Variants in CCDC171 observed in about 807,000 individuals in gnomAD.
CCDC171 encodes the protein coiled-coil domain-containing protein 171.
A neutral mutation model predicts 168.2 loss-of-function variants in CCDC171; 177 were observed. The ratio of observed to expected loss-of-function variants is 1.05; its 90% CI spans 0.93 to 1.19. The LOEUF (loss-of-function observed/expected upper bound fraction) is 1.19. CCDC171 is among the 50% of genes most tolerant of loss of function. The pLI is 0.00. For synonymous variants in CCDC171, 687 were observed against 540.8 expected, an observed-to-expected ratio of 1.27 and a Z score of -3.75; for missense variants, 1,991 against 1,539.0, an observed-to-expected ratio of 1.29 and a Z score of -4.91.
At chr9:15,730,012 A>G (rs1231408953) in intron 16 of CCDC171, among the ~76,000 whole-genome samples, 2 of 152,076 alleles carry the variant, frequency 1.3e-5, no homozygotes. Context: ...AAGTTTGGAA[A>G]TATATGGGTT....
intron 7 of CCDC171, among the ~76,000 whole-genome samples, chr9:15,630,590 C>G (rs1006137110): frequency 1.3e-5 from 2 of 152,154 alleles, no homozygotes; most frequent in East Asian, 3.8e-4. Context: ...GACTTTAACA[C>G]CCCACTGTCA....
At chr9:15,854,531 A>G (rs1395410345) in intron 23 of CCDC171, among the ~76,000 whole-genome samples, 3 of 151,326 alleles carry the variant, frequency 2.0e-5, no homozygotes, top group Non-Finnish European at 4.4e-5. Context: ...TAAGGGTCCA[A>G]CTTTTGGTTT....
At chr9:16,077,794 G>C in the CCDC171 span, among the ~76,000 whole-genome samples, 2 of 152,146 alleles carry the variant, frequency 1.3e-5, no homozygotes, top group African/African-American at 4.8e-5. Context: ...CCCTGAACAG[G>C]GTTGCCCTTG....
intron 24 of CCDC171, among the ~76,000 whole-genome samples, chr9:15,877,837 G>C (rs1165763594): frequency 6.6e-6 from 1 of 152,068 alleles, no homozygotes; most frequent in Non-Finnish European, 1.5e-5. Context: ...CAATAATTAT[G>C]ATATGTACTA....
At chr9:15,825,890 A>G (rs2059992008) in intron 21 of CCDC171, among the ~76,000 whole-genome samples, 2 of 152,296 alleles carry the variant, frequency 1.3e-5, no homozygotes, top group South Asian at 4.1e-4. Context: ...AAGCTTCCAG[A>G]GGATTAACAT....
intron 16 of CCDC171, among the ~76,000 whole-genome samples, 161 bp downstream of exon 16, chr9:15,729,959 G>A (rs1039680034): frequency 2.6e-5 from 4 of 151,766 alleles, no homozygotes; most frequent in Middle Eastern, 3.2e-3. Context: ...ACACACATAC[G>A]TGTGTGTGTA....
chr9:16,069,252 A>AATGTGTGTGCAGAT, the CCDC171 span, among the ~76,000 whole-genome samples: 3 of 152,370 alleles, frequency 2.0e-5, no homozygotes, highest in East Asian at 5.8e-4. Flanking sequence ...GTATATGTGT[A>AATGTGTGTGCAGAT]ATGTGTGTGC....
intron 7 of CCDC171, among the ~76,000 whole-genome samples, chr9:15,629,624 C>A (rs946076676): frequency 1.6e-4 from 25 of 152,176 alleles, no homozygotes; most frequent in Non-Finnish European, 2.9e-5. Flanking sequence ...TCCAGGAGAA[C>A]TTCCCCAATC....
Position 15,999,521 on chromosome 9 carries a change from C to G in CCDC171, n.369-21068C>G, listed in dbSNP as rs79706098. Among the ~76,000 whole-genome samples, 252 of 152,296 alleles carry G rather than the reference C, an allele frequency of 1.7e-3. 2 individuals carry two copies. The highest frequency in any genetic ancestry group is 5.7e-3 in the African/African-American group (235 of 41,574). ...AAGCACCCGCACGCAGCTCGGACCT[C>G]TCTATCCATCGAAGCAGTCCTTGTC... On this transcript the variant is annotated intron_variant and non_coding_transcript_variant, in intron 3 of 9. Coordinates refer to the CCDC171 transcript ENST00000486641.
At chr9:15,687,620 CAATT>C (rs2050490496) in intron 10 of CCDC171, among the ~76,000 whole-genome samples, 1 of 151,908 alleles carries the variant, frequency 6.6e-6, no homozygotes, top group Admixed American at 6.6e-5. Context: ...AGAGATAACT[CAATT>C]GATAACTTTA....
chr9:16,039,559 T>C (rs1034310072), upstream of CCDC171, among the ~76,000 whole-genome samples: 6 of 152,192 alleles, frequency 3.9e-5, no homozygotes, highest in African/African-American at 1.4e-4. Flanking sequence ...TGCAGGTCGG[T>C]AGCCCCAGGA....
chr9:15,708,257 CTT>C (rs1185867286), intron 11 of CCDC171, among the ~76,000 whole-genome samples: 2 of 152,226 alleles, frequency 1.3e-5, no homozygotes, highest in Non-Finnish European at 2.9e-5. Context: ...TAGTTCCACA[CTT>C]TCATACTAAT....
the CCDC171 span, among the ~76,000 whole-genome samples, chr9:16,067,868 T>A: frequency 3.9e-5 from 6 of 152,194 alleles, no homozygotes; most frequent in Non-Finnish European, 7.3e-5. Context: ...TACTGTAGCC[T>A]TGTAGTATAG....
chr9:15,698,317 T>C (rs1387599897), intron 11 of CCDC171, among the ~76,000 whole-genome samples: 5 of 151,926 alleles, frequency 3.3e-5, no homozygotes, highest in Admixed American at 1.3e-4. Flanking sequence ...GTCAGGAGAT[T>C]GAGACCATCC....
intron 18 of CCDC171, among the ~76,000 whole-genome samples, chr9:15,757,131 G>A (rs533120745): frequency 3.2e-4 from 49 of 152,330 alleles, no homozygotes; most frequent in Non-Finnish European, 3.8e-4. Context: ...AGCGACTTTG[G>A]AACTGGGTAA....
At chr9:15,804,433 A>T (rs1369338522) in intron 21 of CCDC171, among the ~76,000 whole-genome samples, 6 of 148,660 alleles carry the variant, frequency 4.0e-5, no homozygotes, top group Admixed American at 6.7e-5. Context: ...GATCTTTAAC[A>T]TGAAGAGATG....
intron 24 of CCDC171, among the ~76,000 whole-genome samples, chr9:15,890,636 A>C (rs1351695343): frequency 2.8e-5 from 4 of 144,898 alleles, no homozygotes; most frequent in Admixed American, 6.8e-5. Flanking sequence ...CAATGTACAA[A>C]ATAAATTCAT....
chr9:15,719,753 T>C (rs2053352012), intron 11 of CCDC171, among the ~76,000 whole-genome samples: 1 of 152,228 alleles, frequency 6.6e-6, no homozygotes, highest in South Asian at 2.1e-4. Flanking sequence ...GATTTTATTC[T>C]TCTGAATTTC....
chr9:16,089,498 T>G, the CCDC171 span, among the ~76,000 whole-genome samples: 3 of 151,674 alleles, frequency 2.0e-5, no homozygotes, highest in African/African-American at 7.2e-5. Context: ...TTCTAGAGTT[T>G]TTATGGTTTT....
Sources: gnomAD v4.1 joint callset for allele counts (sites outside exome capture counted in the v4.1 genomes callset) on GRCh38, gnomAD v4.1.1 for gene constraint, MANE v1.5 for transcripts, NCBI Gene and HGNC (gene_info 2026-07-23, HGNC 2026-07-21) for gene names.